DOCK1: variants seen among roughly 807,000 people sequenced by gnomAD.
The protein encoded by DOCK1 is dedicator of cytokinesis 1, also known as dedicator of cytokinesis protein 1.
In DOCK1, 138 loss-of-function variants were observed where a neutral mutation model predicts 262.7. The observed-to-expected ratio is 0.53, with a 90% confidence interval of 0.46 to 0.61. The LOEUF is 0.61. DOCK1 is among the 20% of genes least tolerant of loss of function. DOCK1 has a pLI of 0.00. For synonymous variants in DOCK1, 866 were observed against 867.4 expected (o/e 1.00, Z 0.03); for missense variants, 1,908 against 2,370.7 (o/e 0.80, Z 4.05).
chr10:126,990,701 C>G (rs946928171), intron 6 of DOCK1, 98 bp downstream of exon 6: 6 of 1,399,012 alleles, frequency 4.3e-6, no homozygotes, highest in Non-Finnish European at 5.7e-6. Context: ...TATCATAAAA[C>G]AAAATTTCTA....
chr10:126,930,540 G>A (rs937263038), intron 1 of DOCK1, among the ~76,000 whole-genome samples: 4 of 152,194 alleles, frequency 2.6e-5, no homozygotes, highest in Non-Finnish European at 5.9e-5. Flanking sequence ...CCGCTTTGCT[G>A]TTCTGTCTCC....
At chr10:127,151,268 C>G (rs2052460239) in intron 27 of DOCK1, among the ~76,000 whole-genome samples, 1 of 152,132 alleles carries the variant, frequency 6.6e-6, no homozygotes, top group African/African-American at 2.4e-5. Flanking sequence ...TATTTGAATA[C>G]TAGTTCATTT....
intron 21 of DOCK1, among the ~76,000 whole-genome samples, chr10:127,045,661 C>T (rs1301833839): frequency 2.0e-5 from 3 of 152,196 alleles, no homozygotes; most frequent in East Asian, 1.9e-4. Context: ...TTCCGCACCT[C>T]GAGCTGTGTC....
intron 46 of DOCK1, among the ~76,000 whole-genome samples, chr10:127,421,277 A>G (rs1178367679): frequency 2.6e-5 from 4 of 152,120 alleles, no homozygotes; most frequent in Non-Finnish European, 4.4e-5. Context: ...CTCTGTCATC[A>G]GCACATTGGC....
intron 38 of DOCK1, chr10:127,402,551 T>C (rs578052936): frequency 5.6e-5 from 26 of 462,860 alleles, no homozygotes; most frequent in East Asian, 1.4e-4. Context: ...TTCTGCAAGC[T>C]TTAGTTTAGA....
chr10:126,997,642 T>C (rs186838619), intron 7 of DOCK1, among the ~76,000 whole-genome samples: 96 of 151,810 alleles, frequency 6.3e-4, no homozygotes, highest in African/African-American at 1.6e-3. Flanking sequence ...TATATATATA[T>C]ACACACACAC....
chr10:127,275,906 T>C (rs2060723619), intron 29 of DOCK1, among the ~76,000 whole-genome samples: 1 of 152,228 alleles, frequency 6.6e-6, no homozygotes, highest in South Asian at 2.1e-4. Context: ...ATATTAATAT[T>C]TCACCTTTCA....
At chr10:127,431,291 A>G (rs2134627917) in intron 47 of DOCK1, among the ~76,000 whole-genome samples, 1 of 152,340 alleles carries the variant, frequency 6.6e-6, no homozygotes, top group Admixed American at 6.5e-5. Flanking sequence ...CTTGATTTCT[A>G]GAGGCTCAAT....
intron 27 of DOCK1, among the ~76,000 whole-genome samples, chr10:127,205,641 T>G (rs2057684684): frequency 6.6e-6 from 1 of 152,252 alleles, no homozygotes; most frequent in Admixed American, 6.5e-5. Context: ...GACTTTTGCT[T>G]CTTCGATGAC....
At chr10:127,345,693 C>T (rs963762670) in intron 31 of DOCK1, among the ~76,000 whole-genome samples, 1 of 152,196 alleles carries the variant, frequency 6.6e-6, no homozygotes, top group Non-Finnish European at 1.5e-5. Context: ...CTGCAGCCCA[C>T]CACCTTGGGG....
chr10:126,918,958 A>AAAGTCAAGGTGCAGATGGGCACGGC, intron 1 of DOCK1, among the ~76,000 whole-genome samples: 1 of 151,058 alleles, frequency 6.6e-6, no homozygotes. Flanking sequence ...ATGGGCACAG[A>AAAGTCAAGGTGCAGATGGGCACGGC]GGATTTGGAG....
intron 23 of DOCK1, among the ~76,000 whole-genome samples, chr10:127,095,992 A>G (rs1205230507): frequency 1.3e-5 from 2 of 152,246 alleles, no homozygotes; most frequent in Admixed American, 6.5e-5. Context: ...CATTGGTGGT[A>G]GAGATGGGGA....
At chr10:127,296,336 G>A (rs1212717328) in intron 29 of DOCK1, among the ~76,000 whole-genome samples, 1 of 152,212 alleles carries the variant, frequency 6.6e-6, no homozygotes, top group East Asian at 1.9e-4. Flanking sequence ...TCACGTAGTG[G>A]AGCTGCACCT....
intron 29 of DOCK1, among the ~76,000 whole-genome samples, chr10:127,321,883 A>C (rs549751738): frequency 6.6e-6 from 1 of 152,050 alleles, no homozygotes; most frequent in African/African-American, 2.4e-5. Context: ...CGGGCCAATC[A>C]CCTGAGGTCA....
rs2039012728 is a variant in DOCK1, at chr10:126,981,935, A to G, written c.189A>G (p.Ser63=). 4 of 1,613,312 alleles carry G rather than the reference A, an allele frequency of 2.5e-6. No homozygotes were observed. The highest frequency in any genetic ancestry group is 1.7e-5 in the Admixed American group (1 of 59,890). The change falls in exon 4 of 52, where the codon TCA becomes TCG. Residue 63 remains serine (S), a synonymous_variant. Coordinates refer to ENST00000623213, the MANE Select transcript of DOCK1 (RefSeq NM_001290223.2). ...KKSKKGIFPA[S]YIHLKEAIVE... ...TCCCAAAGGGTATATTTCCTGCTTC[A>G]TATATTCATCTTAAAGAAGCGATAG...
At chr10:127,409,269 T>G (rs369256392) in intron 41 of DOCK1, 44 bp from the exon 42 acceptor site, 5 of 1,612,930 alleles carry the variant, frequency 3.1e-6, no homozygotes, top group Non-Finnish European at 4.2e-6. Flanking sequence ...CTCTCATGGT[T>G]GATGTCTATG....
chr10:126,926,990 CAG>C lies in DOCK1; in HGVS notation c.46+21428_46+21429del, dbSNP rs777485268. ...CAGTCGTAGAAATGCAGTTGAGACA[CAG>C]GGGAAAAAGTATTTCTGTTAGTGGG... On this transcript the variant is annotated intron_variant, in intron 1 of 51. Transcript: ENST00000623213. Among the ~76,000 whole-genome samples, 634 of 152,252 alleles carry C rather than the reference CAG, an allele frequency of 4.2e-3. 6 individuals carry two copies. Among genetic ancestry groups the C allele is most frequent in the Non-Finnish European group, 5.7e-3 (390 of 68,014 alleles).
chr10:127,034,218 G>A (rs2043433102), intron 18 of DOCK1, among the ~76,000 whole-genome samples: 1 of 152,180 alleles, frequency 6.6e-6, no homozygotes, highest in Non-Finnish European at 1.5e-5. Context: ...ACAGTTCTGT[G>A]TGACTGGGGA....
chr10:127,323,948 A>T (rs992180048), intron 29 of DOCK1, among the ~76,000 whole-genome samples: 1 of 152,214 alleles, frequency 6.6e-6, no homozygotes, highest in African/African-American at 2.4e-5. Flanking sequence ...AAGGCCCTGC[A>T]CTGCTTCATC....
Sources: gnomAD v4.1 joint callset for allele counts (sites outside exome capture counted in the v4.1 genomes callset) on GRCh38, gnomAD v4.1.1 for gene constraint, MANE v1.5 for transcripts, NCBI Gene and HGNC (gene_info 2026-07-23, HGNC 2026-07-21) for gene names.